The following CELF5 variants were observed in gnomAD, a reference collection of about 807,000 sequenced individuals.
The protein encoded by CELF5 is CUGBP Elav-like family member 5.
CELF5 carries 6 observed loss-of-function variants against 54.9 expected under a neutral mutation model. That is an observed-to-expected ratio of 0.11 (90% CI 0.06 to 0.22). The LOEUF (loss-of-function observed/expected upper bound fraction) is 0.22. Among genes scored for constraint, CELF5 ranks in the 10% least tolerant of loss-of-function variants. The pLI is 1.00. For synonymous variants in CELF5, 271 were observed against 290.9 expected (o/e 0.93, Z 0.70); for missense variants, 401 against 678.6 (o/e 0.59, Z 4.54).
At chr19:3,250,884 GAAGC>G in intron 1 of CELF5, 97 bp from the exon 2 acceptor site, 1 of 583,602 alleles carries the variant, frequency 1.7e-6, no homozygotes. Context: ...TCTGTGGATG[GAAGC>G]TTGGGTTGCT....
chr19:3,241,829 G>A (rs1297261526), intron 1 of CELF5, among the ~76,000 whole-genome samples: 1 of 152,158 alleles, frequency 6.6e-6, no homozygotes, highest in African/African-American at 2.4e-5. Flanking sequence ...AGGCTGGAGT[G>A]CAGTGGCGCG....
At chr19:3,229,795 A>G (rs576303412) in intron 1 of CELF5, among the ~76,000 whole-genome samples, 6 of 152,220 alleles carry the variant, frequency 3.9e-5, no homozygotes, top group African/African-American at 1.2e-4. Flanking sequence ...TGACGGGGAA[A>G]GGTGTTCCTG....
At chr19:3,237,635 T>A (rs1299636041) in intron 1 of CELF5, among the ~76,000 whole-genome samples, 1 of 152,180 alleles carries the variant, frequency 6.6e-6, no homozygotes, top group Non-Finnish European at 1.5e-5. Flanking sequence ...TTCACCCCCA[T>A]CTTGGTTTGA....
intron 5 of CELF5, among the ~76,000 whole-genome samples, chr19:3,280,445 G>A (rs1486803754): frequency 6.6e-6 from 1 of 151,996 alleles, no homozygotes; most frequent in Non-Finnish European, 1.5e-5. Context: ...CGTGATGGCG[G>A]GCACCTGTAA....
chr19:3,289,350 G>A (rs2080303875), intron 10 of CELF5, among the ~76,000 whole-genome samples: 1 of 152,096 alleles, frequency 6.6e-6, no homozygotes, highest in African/African-American at 2.4e-5. Context: ...GAGCCCAGGA[G>A]TTCCAGATTA....
At chr19:3,247,663 G>T (rs1231351982) in intron 1 of CELF5, among the ~76,000 whole-genome samples, 2 of 151,686 alleles carry the variant, frequency 1.3e-5, no homozygotes, top group Admixed American at 6.6e-5. Flanking sequence ...TACATTGCAC[G>T]CTTACGTGTT....
intron 1 of CELF5, among the ~76,000 whole-genome samples, chr19:3,235,905 G>A (rs1917579360): frequency 6.6e-6 from 1 of 152,022 alleles, no homozygotes; most frequent in Admixed American, 6.6e-5. Flanking sequence ...AAGTGGATGG[G>A]TGGACAGTTG....
intron 2 of CELF5, among the ~76,000 whole-genome samples, chr19:3,266,242 C>T (rs866927893): frequency 1.3e-5 from 2 of 152,022 alleles, no homozygotes; most frequent in African/African-American, 2.4e-5. Flanking sequence ...CAACGGTAAA[C>T]GGACATGGCA....
At chr19:3,267,089 A>G (rs1031762599) in intron 2 of CELF5, among the ~76,000 whole-genome samples, 380 of 147,172 alleles carry the variant, frequency 2.6e-3, no homozygotes, top group African/African-American at 9.2e-3. Context: ...GCGTGTGTGC[A>G]TGTGTGTGTG....
chr19:3,250,425 C>G (rs1233903032), intron 1 of CELF5, among the ~76,000 whole-genome samples: 1 of 152,124 alleles, frequency 6.6e-6, no homozygotes, highest in Non-Finnish European at 1.5e-5. Flanking sequence ...GGAGGCAGAG[C>G]TTGCAGTGAG....
intron 12 of CELF5, chr19:3,296,434 G>GAAAAAAAAAAAAAAAAAGA (rs2080450702): frequency 1.8e-5 from 1 of 54,862 alleles, no homozygotes; most frequent in Non-Finnish European, 3.2e-5. Context: ...AAACCACACA[G>GAAAAAAAAAAAAAAAAAGA]AAAAAAAAAA....
chr19:3,289,281 C>T (rs1276112155), intron 10 of CELF5, among the ~76,000 whole-genome samples: 2 of 151,944 alleles, frequency 1.3e-5, no homozygotes, highest in Non-Finnish European at 2.9e-5. Context: ...TTTGGCTAGA[C>T]GCAGTGGCTC....
intron 9 of CELF5, 34 bp from the exon 10 acceptor site, chr19:3,285,908 C>T (rs756789981): frequency 9.9e-6 from 15 of 1,513,446 alleles, no homozygotes; most frequent in Non-Finnish European, 1.3e-5. Context: ...CCTCACGCCC[C>T]TCCTCGCCCT....
chr19:3,236,414 G>A (rs1294639347), intron 1 of CELF5, among the ~76,000 whole-genome samples: 2 of 152,132 alleles, frequency 1.3e-5, no homozygotes, highest in East Asian at 3.9e-4. Flanking sequence ...TGGCCCAAGA[G>A]CACACAGCAG....
intron 2 of CELF5, among the ~76,000 whole-genome samples, chr19:3,264,590 G>A (rs944458667): frequency 1.3e-5 from 2 of 151,114 alleles, no homozygotes; most frequent in African/African-American, 4.9e-5. Flanking sequence ...TAATGTTTTT[G>A]TATTTTTAGT....
intron 4 of CELF5, among the ~76,000 whole-genome samples, chr19:3,276,223 G>T (rs1431266718): frequency 7.2e-6 from 1 of 138,032 alleles, no homozygotes; most frequent in Non-Finnish European, 1.6e-5. Flanking sequence ...GCAGGGTGGG[G>T]AGGAGCTGCC....
At position 3,282,706 on chromosome 19, in the gene CELF5, T is replaced by G. The variant is rs1468732083; in HGVS notation, c.1039+208T>G. Among the ~76,000 whole-genome samples the G allele has an allele frequency of 6.6e-6, 1 of 152,206 alleles. No individual in the cohort carries two copies. The highest frequency in any genetic ancestry group is 1.5e-5 in the Non-Finnish European group (1 of 68,030). On this transcript the variant is annotated intron_variant, in intron 8 of 12. Transcript: ENST00000292672. This position sits in a 1 kb window ranked among gnomAD's most constrained non-coding sequence, Gnocchi z 5.2. ...CATTAAAACGGTGCATCTGGATGTT[T>G]CTGAGCTTAAATTCCAGTTCAGTGA...
chr19:3,227,971 G>A (rs969490898), intron 1 of CELF5, among the ~76,000 whole-genome samples: 1 of 152,136 alleles, frequency 6.6e-6, no homozygotes, highest in Non-Finnish European at 1.5e-5. Flanking sequence ...GGGGCAGCCA[G>A]ATTCCTAGAG....
intron 1 of CELF5, among the ~76,000 whole-genome samples, chr19:3,248,344 A>G (rs1268620768): frequency 2.0e-5 from 3 of 151,610 alleles, no homozygotes; most frequent in Non-Finnish European, 2.9e-5. Flanking sequence ...CATCTTCCCA[A>G]ACTGAAACTG....
Sources: gnomAD v4.1 joint callset for allele counts (sites outside exome capture counted in the v4.1 genomes callset) on GRCh38, gnomAD v4.1.1 for gene constraint, Gnocchi (gnomAD v3.1) non-coding constraint, MANE v1.5 for transcripts, NCBI Gene and HGNC (gene_info 2026-07-23, HGNC 2026-07-21) for gene names.